EFCC1: variants seen among roughly 807,000 people sequenced by gnomAD.
EFCC1 encodes EF-hand and coiled-coil domain containing 1.
Under a neutral mutation model 52.1 loss-of-function variants are expected in EFCC1, and 50 were observed. The ratio of observed to expected loss-of-function variants is 0.96; its 90% CI spans 0.76 to 1.21. The LOEUF (loss-of-function observed/expected upper bound fraction) is 1.21, where lower values mean the gene tolerates loss of function less well. Among genes scored for constraint, EFCC1 ranks in the 50% most tolerant of loss-of-function variants. The pLI is 0.00. For missense variants in EFCC1, 837 were observed against 867.3 expected, an observed-to-expected ratio of 0.97 and a Z score of 0.44; for synonymous variants, 399 against 396.5, an observed-to-expected ratio of 1.01 and a Z score of -0.08.
In EFCC1 at chr3:129,002,087, C is replaced by G; in HGVS notation, c.459C>G (p.Phe153Leu). 1 of 1,522,986 alleles carries G rather than the reference C, an allele frequency of 6.6e-7. No homozygotes were observed. The highest frequency in any genetic ancestry group is 8.8e-7 in the Non-Finnish European group (1 of 1,136,130). The allele number at this position is 1,522,986 out of a possible 1,614,324, so 94.3% of individuals were successfully genotyped here. A position where few individuals can be genotyped will look rare whatever the true frequency, so the allele number is the denominator to read the frequency against. The change falls in exon 1 of 8, where the codon TTC becomes TTG. Residue 153 changes from phenylalanine to leucine, a missense_variant. Coordinates refer to ENST00000683648, the MANE Select transcript of EFCC1 (RefSeq NM_001377500.1). ...RQFHARLCGYFGTRAGPRLPR... is the reference protein window; with the variant it reads ...RQFHARLCGYLGTRAGPRLPR... ...TCCACGCGCGCCTCTGTGGCTACTT[C>G]GGCACCCGTGCGGGGCCCCGGCTGC...
chr3:129,021,076 A>G (rs1945820039), intron 2 of EFCC1, among the ~76,000 whole-genome samples: 1 of 152,076 alleles, frequency 6.6e-6, no homozygotes, highest in South Asian at 2.1e-4. Flanking sequence ...CAGTGACTGG[A>G]AGGGTGGTGC....
chr3:129,014,494 C>T lies in EFCC1; in HGVS notation c.980+10417C>T, dbSNP rs755761773. Among the ~76,000 whole-genome samples, 5 of 152,236 alleles carry T rather than the reference C, an allele frequency of 3.3e-5. No homozygotes were observed. The highest frequency in any genetic ancestry group is 5.9e-5 in the Non-Finnish European group (4 of 68,038). On this transcript the variant is annotated intron_variant, in intron 2 of 7. Transcript: ENST00000683648. The surrounding 1 kb of genome is among the most constrained non-coding windows in gnomAD (Gnocchi z 4.3). ...TCTGTGTGTATTTCTGTCCTAATCCCCTCTTCTTAGAAGGACACCAGTCAG... is the reference window on the plus strand; with the variant it reads ...TCTGTGTGTATTTCTGTCCTAATCCTCTCTTCTTAGAAGGACACCAGTCAG...
Position 129,034,270 on chromosome 3 carries a change from G to T in EFCC1, c.1393G>T (p.Val465Leu), listed in dbSNP as rs770539263. The T allele has an allele frequency of 6.2e-6, 10 of 1,614,156 alleles. No individual in the cohort carries two copies. The highest frequency in any genetic ancestry group is 8.5e-6 in the Non-Finnish European group (10 of 1,180,042). ...GELEACIAML[V>L]EQLRTQGCGG... is the part of the protein sequence containing the mutation. ...GCTGGAGGCCTGCATTGCCATGCTG[G>T]TGGAGCAGCTGAGGACTCAGGGCTG... Residue 465 changes from valine to leucine, a missense_variant, in exon 5 of 8, where the codon GTG (valine) becomes TTG (leucine). Physicochemically the swap from Val to Leu is conservative, Grantham distance 32. Transcript: ENST00000683648.
Position 129,002,103 on chromosome 3 carries a change from C to T in EFCC1, c.475C>T (p.Pro159Ser), listed in dbSNP as rs1944804752. The change falls in exon 1 of 8, where the codon CCC becomes TCC. Residue 159 changes from proline (P) to serine (S), a missense_variant. Transcript: ENST00000683648. ...TGGCTACTTCGGCACCCGTGCGGGGCCCCGGCTGCCCCGCGGCGCTCTCAG... is the reference window on the plus strand; with the variant it reads ...TGGCTACTTCGGCACCCGTGCGGGGTCCCGGCTGCCCCGCGGCGCTCTCAG... ...LCGYFGTRAG[P>S]RLPRGALSEH... 3.4e-6 allele frequency: 5 copies of T among 1,490,824 alleles called. No homozygotes were observed. Among genetic ancestry groups the T allele is most frequent in the Non-Finnish European group, 4.4e-6 (5 of 1,124,518 alleles). 92.3% of individuals were successfully genotyped at this position (1,490,824 alleles called of 1,614,324 possible). A position where few individuals can be genotyped will look rare whatever the true frequency, so the allele number is the denominator to read the frequency against.
chr3:129,022,994 C>T (rs1036111903), intron 2 of EFCC1, among the ~76,000 whole-genome samples: 1 of 152,212 alleles, frequency 6.6e-6, no homozygotes, highest in Non-Finnish European at 1.5e-5. Context: ...GGACAGAGAA[C>T]AGCCTCGGGT....
chr3:129,036,307 G>A (rs902804854), intron 5 of EFCC1, among the ~76,000 whole-genome samples: 4 of 152,262 alleles, frequency 2.6e-5, no homozygotes, highest in Admixed American at 6.5e-5. Flanking sequence ...GACCCTGAGT[G>A]CCCTCAGGCA....
chr3:129,009,416 A>G (rs1392340909), intron 2 of EFCC1, among the ~76,000 whole-genome samples: 1 of 152,114 alleles, frequency 6.6e-6, no homozygotes, highest in Non-Finnish European at 1.5e-5. Flanking sequence ...CCAGGCTAAT[A>G]TCCCCAAAGC....
chr3:129,037,612 GA>G lies in EFCC1; in HGVS notation c.1593+499del, dbSNP rs5852558. On this transcript the variant is annotated intron_variant, in intron 6 of 7. Coordinates refer to ENST00000683648, the MANE Select transcript of EFCC1 (RefSeq NM_001377500.1). ...CCAAATGATCATCTCAATTGATGCAGAAAAGGAAGTCAATAAAATTCAATCT... is the reference window on the plus strand; with the variant it reads ...CCAAATGATCATCTCAATTGATGCAGAAAGGAAGTCAATAAAATTCAATCT... Among the ~76,000 whole-genome samples the G allele has an allele frequency of 7.8e-3, 1,181 of 152,236 alleles. 10 individuals carry two copies. The highest frequency in any genetic ancestry group is 0.027 in the African/African-American group (1,124 of 41,526).
chr3:129,039,874 C>G lies in EFCC1; in HGVS notation c.*26C>G. ...GGTTACTGGCCCACCCTGTGGGCAC[C>G]CTGCTCAGCCTGACTGCCTTTGGAC... On this transcript the variant is annotated 3_prime_UTR_variant, in exon 8 of 8. Transcript: ENST00000683648. 1.9e-6 allele frequency: 3 copies of G among 1,575,574 alleles called. No individual in the cohort carries two copies. Among genetic ancestry groups the G allele is most frequent in the South Asian group, 1.2e-5 (1 of 86,744 alleles).
Position 129,039,951 on chromosome 3 carries a change from T to A in EFCC1, c.*103T>A. The A allele has an allele frequency of 1.4e-6, 2 of 1,416,436 alleles. No individual in the cohort carries two copies. The highest frequency in any genetic ancestry group is 1.9e-6 in the Non-Finnish European group (2 of 1,069,504). The allele number at this position is 1,416,436 out of a possible 1,614,324, so 87.7% of individuals were successfully genotyped here. ...GACAGCTGGTCTGACCACCGTCACATCATCAGAACTTGAGTCTCTGCTGGC... is the reference window on the plus strand; with the variant it reads ...GACAGCTGGTCTGACCACCGTCACAACATCAGAACTTGAGTCTCTGCTGGC... On this transcript the variant is annotated 3_prime_UTR_variant, in exon 8 of 8. Transcript: ENST00000683648.
At chr3:129,032,506 C>A (rs1408163749) in intron 3 of EFCC1, among the ~76,000 whole-genome samples, 2 of 151,570 alleles carry the variant, frequency 1.3e-5, no homozygotes, top group African/African-American at 4.9e-5. Context: ...GAGCGAGACC[C>A]TGTCTCTAAA....
intron 2 of EFCC1, among the ~76,000 whole-genome samples, chr3:129,025,014 G>A (rs1407226511): frequency 6.6e-6 from 1 of 152,144 alleles, no homozygotes; most frequent in Non-Finnish European, 1.5e-5. Flanking sequence ...AGGGAGGGAG[G>A]AGCAGATGGA....
intron 5 of EFCC1, among the ~76,000 whole-genome samples, chr3:129,035,698 C>T (rs1382280541): frequency 6.6e-6 from 1 of 152,178 alleles, no homozygotes; most frequent in Non-Finnish European, 1.5e-5. Flanking sequence ...AACCCTTGCA[C>T]CGGGATAGGG....
At position 129,001,503 on chromosome 3, in the gene EFCC1, G is replaced by T; in HGVS notation, c.-126G>T. On this transcript the variant is annotated 5_prime_UTR_variant, in exon 1 of 8. Transcript: ENST00000683648. ...AGCGCAGCTGCTGGACACGGTCCCC[G>T]GCGCCGCTCCAACCAGACCGCGACC... The T allele has an allele frequency of 7.7e-7, 1 of 1,302,124 alleles. No individual in the cohort carries two copies. Among genetic ancestry groups the T allele is most frequent in the South Asian group, 2.2e-5 (1 of 45,224 alleles). The allele number at this position is 1,302,124 out of a possible 1,614,324, so 80.7% of individuals were successfully genotyped here. A position where few individuals can be genotyped will look rare whatever the true frequency, so the allele number is the denominator to read the frequency against.
intron 2 of EFCC1, among the ~76,000 whole-genome samples, chr3:129,029,494 T>G (rs1946223513): frequency 6.6e-6 from 1 of 152,098 alleles, no homozygotes; most frequent in Non-Finnish European, 1.5e-5. Context: ...CCAGTGCTTT[T>G]GGAGGCCAAG....
intron 1 of EFCC1, chr3:129,002,605 C>A: frequency 2.0e-6 from 1 of 501,182 alleles, no homozygotes; most frequent in Non-Finnish European, 3.3e-6. Context: ...CACATCATCG[C>A]GTCTTGCCCC....
intron 2 of EFCC1, among the ~76,000 whole-genome samples, chr3:129,009,184 CTCTTT>C (rs1040122050): frequency 3.9e-5 from 6 of 152,198 alleles, no homozygotes; most frequent in African/African-American, 1.4e-4. Context: ...TGTTTTCTCT[CTCTTT>C]TCTTCCTTTC....
At chr3:129,038,310 T>G (rs1946382647) in intron 6 of EFCC1, among the ~76,000 whole-genome samples, 1 of 152,126 alleles carries the variant, frequency 6.6e-6, no homozygotes, top group Non-Finnish European at 1.5e-5. Context: ...AGCAGAGACC[T>G]GGGGATGGGC....
chr3:129,033,205 A>C (rs1201868321), intron 4 of EFCC1, among the ~76,000 whole-genome samples: 1 of 152,060 alleles, frequency 6.6e-6, no homozygotes, highest in Non-Finnish European at 1.5e-5. Context: ...GTGCTTTCTC[A>C]CCAGCACCTG....
Sources: allele counts gnomAD v4.1 joint callset (sites outside exome capture counted in the v4.1 genomes callset), GRCh38; gene constraint gnomAD v4.1.1; non-coding constraint Gnocchi (gnomAD v3.1); transcripts MANE v1.5; gene names NCBI Gene and HGNC (gene_info 2026-07-23, HGNC 2026-07-21).